Variants in CNTN3 observed in about 807,000 individuals in gnomAD.
CNTN3 encodes contactin-3.
Under a neutral mutation model 119.1 loss-of-function variants are expected in CNTN3, and 60 were observed. The ratio of observed to expected loss-of-function variants is 0.50; its 90% CI spans 0.41 to 0.62. The LOEUF is 0.62. Ranked by LOEUF, CNTN3 falls within the 20% of genes least tolerant of loss-of-function variation. The probability of loss-of-function intolerance (pLI) is 0.00; values close to 1 mark genes in which losing one functional copy is unlikely to be tolerated. For synonymous variants in CNTN3, 450 were observed against 438.7 expected, an observed-to-expected ratio of 1.03 and a Z score of -0.32; for missense variants, 1,101 against 1,242.4, an observed-to-expected ratio of 0.89 and a Z score of 1.71.
intron 13 of CNTN3, among the ~76,000 whole-genome samples, chr3:74,328,133 A>G (rs1388412181): frequency 6.6e-6 from 1 of 151,942 alleles, no homozygotes; most frequent in Non-Finnish European, 1.5e-5. Flanking sequence ...TTTTTCATAT[A>G]TTTCTGTTAC....
intron 1 of CNTN3, among the ~76,000 whole-genome samples, chr3:74,597,417 T>G (rs2106698256): frequency 6.6e-6 from 1 of 152,108 alleles, no homozygotes; most frequent in Admixed American, 6.6e-5. Flanking sequence ...CAGACGTGGT[T>G]CCTTCTAGCT....
At chr3:74,286,086 G>T (rs1365112483) in intron 19 of CNTN3, among the ~76,000 whole-genome samples, 1 of 151,928 alleles carries the variant, frequency 6.6e-6, no homozygotes, top group Non-Finnish European at 1.5e-5. Flanking sequence ...GGATTTGATA[G>T]GCACAACTAC....
intron 1 of CNTN3, among the ~76,000 whole-genome samples, chr3:74,580,713 A>G (rs1382682544): frequency 1.3e-5 from 2 of 152,162 alleles, no homozygotes; most frequent in African/African-American, 4.8e-5. Context: ...ATAGAAATGA[A>G]CTGCTTCAAT....
intron 13 of CNTN3, among the ~76,000 whole-genome samples, chr3:74,310,027 G>T (rs1702646401): frequency 6.6e-6 from 1 of 152,062 alleles, no homozygotes; most frequent in South Asian, 2.1e-4. Context: ...GTCATTCTAG[G>T]ATTACTCTTG....
intron 5 of CNTN3, among the ~76,000 whole-genome samples, chr3:74,386,557 CAG>C (rs1704749299): frequency 6.6e-6 from 1 of 152,142 alleles, no homozygotes; most frequent in African/African-American, 2.4e-5. Context: ...CAAAACAAAA[CAG>C]AAAACACATA....
Position 74,349,738 on chromosome 3 carries a change from G to T in CNTN3, c.1364+12152C>A, listed in dbSNP as rs140002097. 4.4e-3 allele frequency among the ~76,000 whole-genome samples: 666 copies of T among 152,298 alleles called. 15 individuals are homozygous for T. The highest frequency in any genetic ancestry group is 2.2e-3 in the Non-Finnish European group (153 of 68,012). On this transcript the variant is annotated intron_variant, in intron 11 of 22. Coordinates refer to ENST00000263665, the MANE Select transcript of CNTN3 (RefSeq NM_020872.3). ...TAATATTTTTTTCTTTGAATTTCAA[G>T]TGAGAGCAGGGAAACAGAACAGGGA...
chr3:74,458,282 A>T (rs1025454255), intron 4 of CNTN3, among the ~76,000 whole-genome samples: 42 of 152,048 alleles, frequency 2.8e-4, no homozygotes, highest in African/African-American at 9.2e-4. Context: ...CAGGACTTAC[A>T]ATATACCTGG....
At chr3:74,424,174 G>A (rs1055292772) in intron 5 of CNTN3, among the ~76,000 whole-genome samples, 3 of 152,010 alleles carry the variant, frequency 2.0e-5, no homozygotes, top group Admixed American at 6.6e-5. Context: ...TAGAGAGCAC[G>A]ATAGGAAAAT....
chr3:74,554,871 G>A (rs963987237), intron 1 of CNTN3, among the ~76,000 whole-genome samples: 11 of 152,184 alleles, frequency 7.2e-5, no homozygotes, highest in African/African-American at 2.7e-4. Context: ...GAGACAATTT[G>A]ACTTCTTCTC....
At position 74,299,963 on chromosome 3, in the gene CNTN3, T is replaced by C. The variant is rs746827643; in HGVS notation, c.2096-25A>G. The C allele has an allele frequency of 5.5e-6, 8 of 1,455,336 alleles. 1 individual carries two copies. The highest frequency in any genetic ancestry group is 2.7e-5 in the South Asian group (2 of 74,616). 90.2% of individuals were successfully genotyped at this position (1,455,336 alleles called of 1,614,324 possible). ...ACTATACAGGTCAGAGAAACAGAGA[T>C]GAAATGGTACTTGCATTTAGTAATA... On this transcript the variant is annotated intron_variant, in intron 16 of 22. Transcript: ENST00000263665.
At chr3:74,510,060 T>C (rs1703338785) in intron 2 of CNTN3, among the ~76,000 whole-genome samples, 1 of 150,226 alleles carries the variant, frequency 6.7e-6, no homozygotes, top group Non-Finnish European at 1.5e-5. Flanking sequence ...TATATATATA[T>C]GAAAACTTAG....
chr3:74,540,002 A>C (rs2107146038), intron 1 of CNTN3, among the ~76,000 whole-genome samples: 1 of 152,258 alleles, frequency 6.6e-6, no homozygotes, highest in East Asian at 1.9e-4. Flanking sequence ...CTATTATGGA[A>C]GCTTGCCTTC....
intron 1 of CNTN3, among the ~76,000 whole-genome samples, chr3:74,604,088 G>A (rs1393838091): frequency 2.0e-5 from 3 of 152,052 alleles, no homozygotes; most frequent in Non-Finnish European, 4.4e-5. Context: ...TTCAATACAT[G>A]GTGTTGGGAC....
chr3:74,315,793 C>T (rs1702817858), intron 13 of CNTN3, among the ~76,000 whole-genome samples: 1 of 152,082 alleles, frequency 6.6e-6, no homozygotes, highest in African/African-American at 2.4e-5. Flanking sequence ...TCCCTATCAC[C>T]ATACACAAAA....
intron 1 of CNTN3, among the ~76,000 whole-genome samples, chr3:74,598,265 G>A (rs893906637): frequency 6.6e-6 from 1 of 152,022 alleles, no homozygotes; most frequent in Non-Finnish European, 1.5e-5. Flanking sequence ...GCTGGATGAT[G>A]ATAAGTGAGA....
At chr3:74,311,823 T>C (rs1297018615) in intron 13 of CNTN3, among the ~76,000 whole-genome samples, 3 of 152,084 alleles carry the variant, frequency 2.0e-5, no homozygotes, top group Non-Finnish European at 4.4e-5. Flanking sequence ...AGAAGTGAGG[T>C]CATAGGACAA....
intron 1 of CNTN3, among the ~76,000 whole-genome samples, chr3:74,552,670 C>T (rs1199560840): frequency 6.6e-6 from 1 of 152,168 alleles, no homozygotes; most frequent in Non-Finnish European, 1.5e-5. Flanking sequence ...GTAATCCCCA[C>T]GTGTCAAGGA....
intron 5 of CNTN3, among the ~76,000 whole-genome samples, chr3:74,421,484 T>C (rs1701615865): frequency 6.6e-6 from 1 of 152,174 alleles, no homozygotes; most frequent in Non-Finnish European, 1.5e-5. Context: ...CTATTATTAT[T>C]ACTATTACTG....
At chr3:74,468,990 T>G (rs1702513100) in intron 4 of CNTN3, among the ~76,000 whole-genome samples, 1 of 152,142 alleles carries the variant, frequency 6.6e-6, no homozygotes, top group African/African-American at 2.4e-5. Context: ...ACTGTGATAC[T>G]TGGGAAAATC....
Sources: allele counts gnomAD v4.1 joint callset (sites outside exome capture counted in the v4.1 genomes callset), GRCh38; gene constraint gnomAD v4.1.1; transcripts MANE v1.5; gene names NCBI Gene and HGNC (gene_info 2026-07-23, HGNC 2026-07-21).